CCDC171: variants seen among roughly 807,000 people sequenced by gnomAD.
The protein encoded by CCDC171 is coiled-coil domain-containing protein 171.
A neutral mutation model predicts 168.2 loss-of-function variants in CCDC171; 177 were observed. The ratio of observed to expected loss-of-function variants is 1.05; its 90% CI spans 0.93 to 1.19. CCDC171 has a LOEUF of 1.19. CCDC171 is among the 50% of genes most tolerant of loss of function. The pLI is 0.00. For missense variants in CCDC171, 1,991 were observed against 1,539.0 expected (o/e 1.29, Z -4.91); for synonymous variants, 687 against 540.8 (o/e 1.27, Z -3.75).
intron 23 of CCDC171, among the ~76,000 whole-genome samples, chr9:15,863,285 A>G (rs1471080059): frequency 6.6e-6 from 1 of 151,948 alleles, no homozygotes; most frequent in East Asian, 1.9e-4. Flanking sequence ...CAGTTTTCCC[A>G]GTGGTTTCAA....
rs1394036226 is a variant in CCDC171, at chr9:15,854,588, C to T, written c.3468+5641C>T. ...TTCTGTTCTCTATTTTGTATTATCT[C>T]TGCTCTAAAACATTATTATTTCTCC... On this transcript the variant is annotated intron_variant, in intron 23 of 25. Coordinates refer to ENST00000380701, the MANE Select transcript of CCDC171 (RefSeq NM_173550.4). 2.0e-5 allele frequency among the ~76,000 whole-genome samples: 3 copies of T among 151,512 alleles called. No homozygotes were observed. In the East Asian group the frequency reaches 5.8e-4, roughly 29 times the overall value.
chr9:15,555,213 C>G (rs2038690013), intron 1 of CCDC171, among the ~76,000 whole-genome samples: 1 of 152,168 alleles, frequency 6.6e-6, no homozygotes, highest in Non-Finnish European at 1.5e-5. Context: ...ATGAATGATA[C>G]ACATAATATC....
chr9:15,834,689 C>T (rs1388876755), intron 21 of CCDC171, among the ~76,000 whole-genome samples: 1 of 152,056 alleles, frequency 6.6e-6, no homozygotes, highest in South Asian at 2.1e-4. Context: ...AATTAGAATG[C>T]CTGAAACTGC....
chr9:15,822,535 G>C (rs532013693), intron 21 of CCDC171, among the ~76,000 whole-genome samples: 1 of 152,170 alleles, frequency 6.6e-6, no homozygotes, highest in Admixed American at 6.5e-5. Context: ...GATATGAACA[G>C]ACACTTCTCA....
rs763388066 is a variant in CCDC171 at position 15,729,775 on chromosome 9, C to T, written c.2026C>T (p.Leu676=). ...AGAGCTGCAGTATTCTGAACTCTTCCTGGAGGTGCAGAAGAGGGCACAGGT... is the reference window on the plus strand; with the variant it reads ...AGAGCTGCAGTATTCTGAACTCTTCTTGGAGGTGCAGAAGAGGGCACAGGT... The part of the protein sequence containing the change: ...ELELQYSELF[L]EVQKRAQKFQ... Residue 676 remains leucine (L), a synonymous_variant, in exon 16 of 26, where the codon CTG becomes TTG. Transcript: ENST00000380701. 3.1e-6 allele frequency: 5 copies of T among 1,610,450 alleles called. No homozygotes were observed. In the Admixed American group the frequency reaches 8.3e-5, roughly 27 times the overall value.
intron 18 of CCDC171, among the ~76,000 whole-genome samples, chr9:15,767,123 C>G (rs2056765695): frequency 6.6e-6 from 1 of 152,100 alleles, no homozygotes; most frequent in Admixed American, 6.5e-5. Context: ...ATATCAGGTT[C>G]CTGTTATTGG....
chr9:15,594,830 C>T (rs1031171880), intron 6 of CCDC171, among the ~76,000 whole-genome samples: 5 of 152,250 alleles, frequency 3.3e-5, no homozygotes, highest in Admixed American at 2.0e-4. Context: ...GAAACTCAAA[C>T]TAGTGTGTTG....
At chr9:15,732,063 C>A (rs2134367363) in intron 16 of CCDC171, among the ~76,000 whole-genome samples, 1 of 152,032 alleles carries the variant, frequency 6.6e-6, no homozygotes, top group South Asian at 2.1e-4. Context: ...TTATTGATTT[C>A]TAAGAGTTCT....
chr9:15,562,729 G>A (rs919315142), intron 1 of CCDC171, among the ~76,000 whole-genome samples: 5 of 152,104 alleles, frequency 3.3e-5, no homozygotes, highest in African/African-American at 1.2e-4. Flanking sequence ...AACAAAACAG[G>A]AACATTTCAT....
intron 7 of CCDC171, among the ~76,000 whole-genome samples, chr9:15,649,112 A>T (rs2047292294): frequency 6.6e-6 from 1 of 152,196 alleles, no homozygotes; most frequent in African/African-American, 2.4e-5. Flanking sequence ...CAACCATCTG[A>T]TCTTTGACAA....
intron 24 of CCDC171, among the ~76,000 whole-genome samples, chr9:15,905,242 C>G (rs569573565): frequency 2.0e-5 from 3 of 152,202 alleles, no homozygotes; most frequent in African/African-American, 7.2e-5. Context: ...CCACACTGCA[C>G]TTATTCCAAA....
At chr9:15,797,391 T>C (rs2058611221) in intron 21 of CCDC171, among the ~76,000 whole-genome samples, 1 of 152,082 alleles carries the variant, frequency 6.6e-6, no homozygotes, top group Non-Finnish European at 1.5e-5. Context: ...AGTTTTTGTA[T>C]TTTTTGTAGA....
chr9:15,918,170 C>G (rs1403745339), intron 24 of CCDC171, among the ~76,000 whole-genome samples: 1 of 151,412 alleles, frequency 6.6e-6, no homozygotes, highest in African/African-American at 2.4e-5. Context: ...CTCTGAAAAA[C>G]TAGATTAAAA....
At chr9:15,648,483 G>T (rs1180463583) in intron 7 of CCDC171, among the ~76,000 whole-genome samples, 4 of 152,126 alleles carry the variant, frequency 2.6e-5, no homozygotes, top group Admixed American at 1.3e-4. Flanking sequence ...TGACATGATT[G>T]TATATTTAGA....
chr9:15,631,482 A>AAT (rs1564092814), intron 7 of CCDC171, among the ~76,000 whole-genome samples: 2 of 152,312 alleles, frequency 1.3e-5, no homozygotes, highest in African/African-American at 4.8e-5. Flanking sequence ...GAAGAAGTTG[A>AAT]CCTTCTGAAT....
chr9:15,860,097 A>T (rs529640501), intron 23 of CCDC171, among the ~76,000 whole-genome samples: 6 of 149,312 alleles, frequency 4.0e-5, no homozygotes, highest in South Asian at 2.1e-4. Flanking sequence ...GTCTCTCATG[A>T]TTCTTTTTAT....
rs75916381 is a variant in CCDC171 at position 16,059,028 on chromosome 9, T to C, written n.90-1618T>C. On this transcript the variant is annotated intron_variant and non_coding_transcript_variant, in intron 1 of 1. Transcript: ENST00000478913. Reference sequence around the variant, plus strand: ...AAGATGGTGCCTTTTCCCACAAACATGGAAGCAAAATGGTCTGTTCCTGTC... The same window carrying C: ...AAGATGGTGCCTTTTCCCACAAACACGGAAGCAAAATGGTCTGTTCCTGTC... 1.3e-5 allele frequency among the ~76,000 whole-genome samples: 2 copies of C among 152,144 alleles called. 1 individual carries two copies. The highest frequency in any genetic ancestry group is 4.1e-4 in the South Asian group (2 of 4,826).
At position 16,013,708 on chromosome 9, in the gene CCDC171, A is replaced by T. The variant is rs1832938480; in HGVS notation, n.369-6881A>T. ...CCAGACTAAAGTGAATACCACAATA[A>T]AGTGAGTCACAGATAATTTTTAATT... is the stretch of plus-strand genomic sequence containing the variant. On this transcript the variant is annotated intron_variant and non_coding_transcript_variant, in intron 3 of 9. Transcript: ENST00000486641. Among the ~76,000 whole-genome samples, 7 of 152,242 alleles carry T rather than the reference A, an allele frequency of 4.6e-5. No individual in the cohort carries two copies. In the South Asian group the frequency reaches 1.4e-3, roughly 31 times the overall value.
intron 25 of CCDC171, among the ~76,000 whole-genome samples, chr9:15,961,444 A>G (rs182889125): frequency 2.9e-4 from 44 of 152,296 alleles, no homozygotes; most frequent in East Asian, 2.5e-3. Context: ...CACACAAGTT[A>G]TAAGTAGCCA....
Sources: allele counts gnomAD v4.1 joint callset (sites outside exome capture counted in the v4.1 genomes callset), GRCh38; gene constraint gnomAD v4.1.1; transcripts MANE v1.5; gene names NCBI Gene and HGNC (gene_info 2026-07-23, HGNC 2026-07-21).